ATP9A: variants seen among roughly 807,000 people sequenced by gnomAD.
The protein encoded by ATP9A is probable phospholipid-transporting ATPase IIA.
Under a neutral mutation model 144.1 loss-of-function variants are expected in ATP9A, and 52 were observed. The ratio of observed to expected loss-of-function variants is 0.36; its 90% CI spans 0.29 to 0.45. The LOEUF (loss-of-function observed/expected upper bound fraction) is 0.45. ATP9A is among the 20% of genes least tolerant of loss of function. The pLI is 1.00. For synonymous variants in ATP9A, 582 were observed against 557.4 expected, an observed-to-expected ratio of 1.04 and a Z score of -0.62; for missense variants, 947 against 1,392.7, an observed-to-expected ratio of 0.68 and a Z score of 5.09.
chr20:51,602,827 C>T (rs1020224741), intron 27 of ATP9A, among the ~76,000 whole-genome samples: 1 of 152,192 alleles, frequency 6.6e-6, no homozygotes, highest in Non-Finnish European at 1.5e-5. Context: ...TTGACCACCT[C>T]CATGACATGT....
intron 23 of ATP9A, among the ~76,000 whole-genome samples, chr20:51,612,445 G>C (rs1002245900): frequency 3.3e-5 from 5 of 152,148 alleles, no homozygotes; most frequent in African/African-American, 1.2e-4. Flanking sequence ...TTGTTTTTGA[G>C]ATGGAGTCTC....
At chr20:51,657,667 A>C (rs1041973288) in intron 13 of ATP9A, among the ~76,000 whole-genome samples, 6 of 152,244 alleles carry the variant, frequency 3.9e-5, no homozygotes, top group Non-Finnish European at 1.5e-5. Context: ...CTCGGCTTAG[A>C]ACCACTGTTT....
chr20:51,633,872 AAGG>A (rs2077279949), intron 15 of ATP9A, among the ~76,000 whole-genome samples: 1 of 143,878 alleles, frequency 7.0e-6, no homozygotes, highest in South Asian at 2.4e-4. Context: ...GGGAGGGAGA[AAGG>A]AAGGAAGGAA....
chr20:51,623,801 A>AAAAAGAAAGAAAGAAAG (rs558189054), intron 18 of ATP9A, among the ~76,000 whole-genome samples: 129 of 133,406 alleles, frequency 9.7e-4, no homozygotes, highest in African/African-American at 3.7e-3. Flanking sequence ...AAAAAAAAAA[A>AAAAAGAAAGAAAGAAAG]AAAGAAAGAA....
chr20:51,626,097 G>A (rs114724640), intron 17 of ATP9A, among the ~76,000 whole-genome samples: 2,982 of 152,342 alleles, frequency 0.02, 99 homozygotes, highest in African/African-American at 0.063. Flanking sequence ...CAGTAAACAA[G>A]ACGAGGACCC....
At chr20:51,610,652 T>C (rs1416757768) in intron 23 of ATP9A, among the ~76,000 whole-genome samples, 1 of 151,894 alleles carries the variant, frequency 6.6e-6, no homozygotes, top group African/African-American at 2.4e-5. Flanking sequence ...AGCCCAGCTG[T>C]GGCCACAGCT....
intron 1 of ATP9A, among the ~76,000 whole-genome samples, chr20:51,761,717 G>A (rs983556764): frequency 9.3e-5 from 14 of 151,078 alleles, no homozygotes; most frequent in Non-Finnish European, 1.9e-4. Context: ...CCAAGGTTGC[G>A]CCACTGCACT....
At chr20:51,712,903 C>T in intron 4 of ATP9A, 63 bp downstream of exon 4, 1 of 1,433,168 alleles carries the variant, frequency 7.0e-7, no homozygotes. Context: ...AACTCTTCTC[C>T]CCTGACTGTC....
At chr20:51,692,815 TAATAA>T (rs2077554012) in intron 7 of ATP9A, among the ~76,000 whole-genome samples, 2 of 152,072 alleles carry the variant, frequency 1.3e-5, no homozygotes, top group Admixed American at 1.3e-4. Context: ...AATAAATAAA[TAATAA>T]AATAAAATTC....
At chr20:51,694,220 G>A in intron 6 of ATP9A, 118 bp from the exon 7 acceptor site, 2 of 679,454 alleles carry the variant, frequency 2.9e-6, no homozygotes, top group South Asian at 1.8e-5. Flanking sequence ...GCGACCACAA[G>A]AGAAAATACA....
chr20:51,720,134 T>C (rs2077682522), intron 3 of ATP9A, among the ~76,000 whole-genome samples: 1 of 152,196 alleles, frequency 6.6e-6, no homozygotes. Flanking sequence ...GGACAAGAAA[T>C]GAAAGTATTG....
At chr20:51,663,884 G>A (rs2077422064) in intron 13 of ATP9A, among the ~76,000 whole-genome samples, 1 of 152,022 alleles carries the variant, frequency 6.6e-6, no homozygotes, top group Non-Finnish European at 1.5e-5. Flanking sequence ...CTCTCTGGCA[G>A]TCAGTACTGA....
At chr20:51,679,444 TAGAC>T (rs1045682471) in intron 9 of ATP9A, among the ~76,000 whole-genome samples, 5 of 152,266 alleles carry the variant, frequency 3.3e-5, no homozygotes, top group African/African-American at 9.6e-5. Context: ...AACCACCTCT[TAGAC>T]AGGCACGTGC....
At chr20:51,725,974 G>C in intron 2 of ATP9A, 42 bp from the exon 3 acceptor site, 2 of 1,157,352 alleles carry the variant, frequency 1.7e-6, no homozygotes, top group Non-Finnish European at 2.6e-6. Context: ...TTCAGGGCTT[G>C]TCTGATGAGA....
intron 3 of ATP9A, among the ~76,000 whole-genome samples, chr20:51,725,593 C>T (rs1048245038): frequency 2.0e-5 from 3 of 152,162 alleles, no homozygotes; most frequent in African/African-American, 7.2e-5. Flanking sequence ...GACCCAACAG[C>T]TAAATGAATA....
At chr20:51,680,592 C>T (rs1161108405) in intron 9 of ATP9A, among the ~76,000 whole-genome samples, 1 of 152,142 alleles carries the variant, frequency 6.6e-6, no homozygotes, top group African/African-American at 2.4e-5. Flanking sequence ...ACAGACGGAC[C>T]TCAGCACTGC....
chr20:51,697,354 C>T (rs780879900), intron 5 of ATP9A, 70 bp downstream of exon 5: 13 of 1,444,022 alleles, frequency 9.0e-6, no homozygotes, highest in South Asian at 1.2e-5. Flanking sequence ...ACTTCGTCTA[C>T]CAGATACACA....
chr20:51,603,656 G>A (rs779241907), intron 27 of ATP9A, among the ~76,000 whole-genome samples: 2 of 152,126 alleles, frequency 1.3e-5, no homozygotes, highest in East Asian at 1.9e-4. Context: ...AGTGGCTGAC[G>A]CTGGACAAGC....
At position 51,596,559 on chromosome 20, in the gene ATP9A, G is replaced by T. The variant is rs2077120221; in HGVS notation, c.*4652C>A. The T allele has an allele frequency of 6.6e-6, 1 of 151,502 alleles. No individual in the cohort carries two copies. The highest frequency in any genetic ancestry group is 1.5e-5 in the Non-Finnish European group (1 of 67,984). 9.4% of individuals were successfully genotyped at this position (151,502 alleles called of 1,614,324 possible). A position where few individuals can be genotyped will look rare whatever the true frequency, so the allele number is the denominator to read the frequency against. ...TATATCTATCACCTTTTGAAATTCT[G>T]ACACGTCTGGGATGGACAATAGTAC... is the stretch of plus-strand genomic sequence containing the variant. On this transcript the variant is annotated 3_prime_UTR_variant, in exon 28 of 28. Coordinates refer to ENST00000338821, the MANE Select transcript of ATP9A (RefSeq NM_006045.3).
Sources: allele counts gnomAD v4.1 joint callset (sites outside exome capture counted in the v4.1 genomes callset), GRCh38; gene constraint gnomAD v4.1.1; transcripts MANE v1.5; gene names NCBI Gene and HGNC (gene_info 2026-07-23, HGNC 2026-07-21).